The following SECTM1 variants were observed in gnomAD, a reference collection of about 807,000 sequenced individuals.
SECTM1 encodes secreted and transmembrane 1.
A neutral mutation model predicts 18.1 loss-of-function variants in SECTM1; 10 were observed. The ratio of observed to expected loss-of-function variants is 0.55; its 90% CI spans 0.34 to 0.94. The LOEUF is 0.94. Among genes scored for constraint, SECTM1 ranks in the 40% least tolerant of loss-of-function variants. The pLI, the probability that SECTM1 is intolerant of heterozygous loss-of-function variation, is 0.02. For synonymous variants in SECTM1, 137 were observed against 139.2 expected, an observed-to-expected ratio of 0.98 and a Z score of 0.11; for missense variants, 297 against 322.6, an observed-to-expected ratio of 0.92 and a Z score of 0.61.
intron 4 of SECTM1, 140 bp downstream of exon 4, chr17:82,322,738 G>T: frequency 9.1e-7 from 1 of 1,095,546 alleles, no homozygotes; most frequent in South Asian, 1.6e-5. Flanking sequence ...CCCTGGCGGG[G>T]ACTGGCTCTC....
rs1246332408 is a variant in SECTM1, at chr17:82,326,540, G to A, written c.94+607C>T. Among the ~76,000 whole-genome samples, 4 of 152,058 alleles carry A rather than the reference G, an allele frequency of 2.6e-5. No homozygotes were observed. Among genetic ancestry groups the A allele is most frequent in the African/African-American group, 9.7e-5 (4 of 41,400 alleles). On this transcript the variant is annotated intron_variant, in intron 2 of 4. Transcript: ENST00000269389. The surrounding 1 kb of genome is among the most constrained non-coding windows in gnomAD (Gnocchi z 4.3). ...CCTGAGCCCAGGAGGTCGAGGCTGC[G>A]GTGAGCTGTGATTGTACCACTGCAC...
At chr17:82,323,838 G>A (rs921744438) in intron 3 of SECTM1, among the ~76,000 whole-genome samples, 5 of 151,658 alleles carry the variant, frequency 3.3e-5, no homozygotes, top group African/African-American at 9.7e-5. Flanking sequence ...GAGGCAGAGA[G>A]TGGGGCAGCG....
intron 3 of SECTM1, 142 bp downstream of exon 3, chr17:82,324,438 CCT>C: frequency 1.1e-6 from 1 of 882,062 alleles, no homozygotes; most frequent in South Asian, 1.7e-5. Context: ...ACCCGCCAAC[CCT>C]GTCTCCTGGC....
Position 82,322,375 on chromosome 17 carries a change from A to G in SECTM1, c.538-5T>C. ...TTCTAGGAGGAAGAACTTCTTCTGC[A>G]GGGGGAGGAAGGAGGTGCCTGTGTG... On this transcript the variant is annotated splice_polypyrimidine_tract_variant and splice_region_variant and intron_variant, in intron 4 of 4. Coordinates refer to ENST00000269389, the MANE Select transcript of SECTM1 (RefSeq NM_003004.3). 6.2e-7 allele frequency: 1 copy of G among 1,613,276 alleles called. No homozygotes were observed. The highest frequency in any genetic ancestry group is 1.3e-5 in the African/African-American group (1 of 74,994).
In SECTM1 at chr17:82,324,647, C is replaced by T. The variant is rs1394386368; in HGVS notation, c.338G>A (p.Gly113Glu). The change falls in exon 3 of 5, where the codon GGG becomes GAG. Residue 113 changes from glycine to glutamate, a missense_variant. By Grantham distance (98) the Gly-to-Glu change is moderately conservative. Coordinates refer to ENST00000269389, the MANE Select transcript of SECTM1 (RefSeq NM_003004.3). Reference sequence around the variant, plus strand: ...TCCCACGAGGTGCCACATGTACAGCCCAGCATGGGAGTCCCGGGCGCCTTT... The same window carrying T: ...TCCCACGAGGTGCCACATGTACAGCTCAGCATGGGAGTCCCGGGCGCCTTT... ...VIKGARDSHA[G>E]LYMWHLVGHQ... 4.3e-6 allele frequency: 7 copies of T among 1,613,872 alleles called. No individual in the cohort carries two copies. Among genetic ancestry groups the T allele is most frequent in the Admixed American group, 1.7e-5 (1 of 59,986 alleles).
In SECTM1 at chr17:82,321,988, T is replaced by C. The variant is rs958032267; in HGVS notation, c.*173A>G. 6 of 598,202 alleles carry C rather than the reference T, an allele frequency of 1.0e-5. No individual in the cohort carries two copies. Among genetic ancestry groups the C allele is most frequent in the African/African-American group, 9.5e-5 (5 of 52,908 alleles). The allele number at this position is 598,202 out of a possible 1,614,324, so 37.1% of individuals were successfully genotyped here. A position where few individuals can be genotyped will look rare whatever the true frequency, so the allele number is the denominator to read the frequency against. On this transcript the variant is annotated 3_prime_UTR_variant, in exon 5 of 5. Coordinates refer to ENST00000269389, the MANE Select transcript of SECTM1 (RefSeq NM_003004.3). ...CTGAGGAAGCAGAGCTTGGAAGACC[T>C]GGGGGGTGGAGGGGAAGGGTCTGCA...
Position 82,325,102 on chromosome 17 carries a change from ATGTG to A in SECTM1, c.95-216_95-213del, listed in dbSNP as rs5822518. On this transcript the variant is annotated intron_variant, in intron 2 of 4. Coordinates refer to ENST00000269389, the MANE Select transcript of SECTM1 (RefSeq NM_003004.3). The surrounding 1 kb of genome is among the most constrained non-coding windows in gnomAD (Gnocchi z 7.6). Reference sequence around the variant, plus strand: ...AAGACGGGTGGCTCTGTGTGTGTGTATGTGTGTGTGTGTGCGTGCTCACACCCAC... The same window carrying A: ...AAGACGGGTGGCTCTGTGTGTGTGTATGTGTGTGTGCGTGCTCACACCCAC... 6.6e-6 allele frequency among the ~76,000 whole-genome samples: 1 copy of A among 151,608 alleles called. No homozygotes were observed. Among genetic ancestry groups the A allele is most frequent in the Non-Finnish European group, 1.5e-5 (1 of 67,810 alleles).
intron 1 of SECTM1, among the ~76,000 whole-genome samples, chr17:82,333,428 G>GCCCGCCTGGC (rs1423041472): frequency 6.6e-6 from 1 of 152,086 alleles, no homozygotes; most frequent in Non-Finnish European, 1.5e-5. Context: ...GGGTACGCCC[G>GCCCGCCTGGC]CTGCGACCCC....
chr17:82,324,925 G>A, intron 2 of SECTM1, 35 bp from the exon 3 acceptor site: 1 of 1,578,212 alleles, frequency 6.3e-7, no homozygotes, highest in Non-Finnish European at 8.6e-7. Flanking sequence ...ACGGATCAGG[G>A]CTGGACCTCA....
At chr17:82,323,362 G>A (rs1257747339) in intron 3 of SECTM1, 2 of 254,792 alleles carry the variant, frequency 7.8e-6, no homozygotes, top group African/African-American at 4.4e-5. Context: ...CCCTGTTGTG[G>A]CCCACCCAGG....
rs1443320582 is a variant in SECTM1, at chr17:82,329,430, C to T, written c.-52-2138G>A. On this transcript the variant is annotated intron_variant, in intron 1 of 4. Coordinates refer to ENST00000269389, the MANE Select transcript of SECTM1 (RefSeq NM_003004.3). The surrounding 1 kb of genome is among the most constrained non-coding windows in gnomAD (Gnocchi z 7.6). ...GTCCTGAGGTCTGGGTTCCCCACTC[C>T]AGGCAGCCGCTATGCTCAGTACAAG... The T allele has an allele frequency of 6.6e-6, 1 of 152,300 alleles. No homozygotes were observed. The highest frequency in any genetic ancestry group is 1.9e-4 in the East Asian group (1 of 5,208). 9.4% of individuals were successfully genotyped at this position (152,300 alleles called of 1,614,324 possible).
At chr17:82,332,320 C>T (rs990318366) in intron 1 of SECTM1, among the ~76,000 whole-genome samples, 2 of 152,184 alleles carry the variant, frequency 1.3e-5, no homozygotes, top group African/African-American at 4.8e-5. Context: ...GCCAGTGACA[C>T]GCCTAGGAAA....
Position 82,324,724 on chromosome 17 carries a change from G to A in SECTM1, c.261C>T (p.Ser87=), listed in dbSNP as rs1454038351. 4.3e-6 allele frequency: 7 copies of A among 1,614,060 alleles called. No individual in the cohort carries two copies. In the Admixed American group the frequency reaches 8.3e-5, roughly 19 times the overall value. Residue 87 remains serine, a synonymous_variant, in exon 3 of 5, where the codon TCC becomes TCT. Transcript: ENST00000269389. ...IFNEVAPGYF[S]RDGWQLQVQG... is the part of the protein sequence containing the mutation. ...GAACCTGGAGCTGCCAGCCGTCCCG[G>A]GAGAAGTAGCCTGGAGCCACCTCAT...
In SECTM1 at chr17:82,322,273, G is replaced by A; in HGVS notation, c.635C>T (p.Pro212Leu). ...LSRASAELWT[P>L]DSEPTPRPLA... is the part of the protein sequence containing the mutation. The stretch of plus-strand genomic sequence containing the variant: ...CGGCCTTGGGGTGGGCTCGGAGTCT[G>A]GGGTCCACAGTTCAGCGGAGGCTCT... The change falls in exon 5 of 5, where the codon CCA becomes CTA. Residue 212 changes from proline to leucine, a missense_variant. Transcript: ENST00000269389. 2.5e-6 allele frequency: 4 copies of A among 1,610,870 alleles called. No homozygotes were observed. Among genetic ancestry groups the A allele is most frequent in the Non-Finnish European group, 3.4e-6 (4 of 1,177,892 alleles).
At chr17:82,331,682 T>C (rs990431648) in intron 1 of SECTM1, among the ~76,000 whole-genome samples, 5 of 152,244 alleles carry the variant, frequency 3.3e-5, no homozygotes, top group African/African-American at 9.6e-5. Context: ...TTGAGTTGAA[T>C]GCCACGCAGT....
At chr17:82,333,325 ACGC>A (rs1463413864) in intron 1 of SECTM1, among the ~76,000 whole-genome samples, 1 of 152,138 alleles carries the variant, frequency 6.6e-6, no homozygotes, top group Non-Finnish European at 1.5e-5. Flanking sequence ...CGGGTCCGAG[ACGC>A]CGCCTCTGTC....
intron 1 of SECTM1, among the ~76,000 whole-genome samples, chr17:82,333,438 C>T (rs2052208656): frequency 6.6e-6 from 1 of 152,188 alleles, no homozygotes; most frequent in Non-Finnish European, 1.5e-5. Flanking sequence ...GCTGCGACCC[C>T]GCCCGCCTGG....
At position 82,326,934 on chromosome 17, in the gene SECTM1, T is replaced by C. The variant is rs2052150693; in HGVS notation, c.94+213A>G. On this transcript the variant is annotated intron_variant, in intron 2 of 4. Coordinates refer to ENST00000269389, the MANE Select transcript of SECTM1 (RefSeq NM_003004.3). This position sits in a 1 kb window ranked among gnomAD's most constrained non-coding sequence, Gnocchi z 4.3. ...CCACCCACGGCGGGACACGGCCCAC[T>C]CACCACCACCCTCCACCCACGGCGG... Among the ~76,000 whole-genome samples the C allele has an allele frequency of 6.6e-6, 1 of 151,722 alleles. No homozygotes were observed. The highest frequency in any genetic ancestry group is 2.4e-5 in the African/African-American group (1 of 41,284).
intron 1 of SECTM1, among the ~76,000 whole-genome samples, chr17:82,331,146 G>A (rs1189745718): frequency 6.6e-6 from 1 of 152,090 alleles, no homozygotes; most frequent in African/African-American, 2.4e-5. Flanking sequence ...TGCCCTTCCT[G>A]TCGGTCCACA....
Sources: gnomAD v4.1 joint callset for allele counts (sites outside exome capture counted in the v4.1 genomes callset) on GRCh38, gnomAD v4.1.1 for gene constraint, Gnocchi (gnomAD v3.1) non-coding constraint, MANE v1.5 for transcripts, NCBI Gene and HGNC (gene_info 2026-07-23, HGNC 2026-07-21) for gene names.